The following TSC22D1 variants were observed in gnomAD, a reference collection of about 807,000 sequenced individuals.
The protein encoded by TSC22D1 is TSC22 domain family protein 1.
Under a neutral mutation model 74.2 loss-of-function variants are expected in TSC22D1, and 9 were observed. That is an observed-to-expected ratio of 0.12 (90% CI 0.07 to 0.21). TSC22D1 has a LOEUF of 0.21. Among genes scored for constraint, TSC22D1 ranks in the 10% least tolerant of loss-of-function variants. The pLI is 1.00. For missense variants in TSC22D1, 1,427 were observed against 1,304.7 expected, an observed-to-expected ratio of 1.09 and a Z score of -1.44; for synonymous variants, 586 against 492.5, an observed-to-expected ratio of 1.19 and a Z score of -2.51.
In TSC22D1 at chr13:44,510,092, G is replaced by C. The variant is rs1003999492; in HGVS notation, c.2912+63071C>G. On this transcript the variant is annotated intron_variant, in intron 1 of 2. Coordinates refer to ENST00000458659, the MANE Select transcript of TSC22D1 (RefSeq NM_183422.4). ...AGCATATATTAGGAGTCTTAAAAAT[G>C]TTTATACTCCGCTAGGCACGGTGGC... Among the ~76,000 whole-genome samples, 6 of 151,120 alleles carry C rather than the reference G, an allele frequency of 4.0e-5. No homozygotes were observed. In the East Asian group the frequency reaches 9.9e-4, roughly 25 times the overall value.
chr13:44,462,469 T>G (rs1279227423), intron 1 of TSC22D1, among the ~76,000 whole-genome samples: 1 of 152,212 alleles, frequency 6.6e-6, no homozygotes, highest in Non-Finnish European at 1.5e-5. Flanking sequence ...AGTCCTACTC[T>G]GTGATCATTT....
rs929496290 is a variant in TSC22D1 at position 44,489,558 on chromosome 13, G to A, written c.2913-53463C>T. Reference sequence around the variant, plus strand: ...AAAATAGGCAAGGCTGAGAACACTGGCTCATGCCTATAATTCCAGCACTTT... The same window carrying A: ...AAAATAGGCAAGGCTGAGAACACTGACTCATGCCTATAATTCCAGCACTTT... On this transcript the variant is annotated intron_variant, in intron 1 of 2. Coordinates refer to ENST00000458659, the MANE Select transcript of TSC22D1 (RefSeq NM_183422.4). 7.6e-4 allele frequency among the ~76,000 whole-genome samples: 115 copies of A among 151,844 alleles called. 2 individuals carry two copies. Among genetic ancestry groups the A allele is most frequent in the Middle Eastern group, 3.4e-3 (1 of 292 alleles).
intron 1 of TSC22D1, among the ~76,000 whole-genome samples, chr13:44,450,803 G>A (rs1185596004): frequency 6.6e-6 from 1 of 152,168 alleles, no homozygotes; most frequent in African/African-American, 2.4e-5. Flanking sequence ...GAAAATACTG[G>A]CATAAGAAAA....
intron 1 of TSC22D1, among the ~76,000 whole-genome samples, chr13:44,550,309 A>G (rs1342166671): frequency 1.3e-5 from 2 of 152,180 alleles, no homozygotes; most frequent in Non-Finnish European, 2.9e-5. Flanking sequence ...GCAGCCGGGC[A>G]CGGTGGCTCA....
chr13:44,573,462 A>C lies in TSC22D1; in HGVS notation c.2613T>G (p.Ser871Arg). Residue 871 changes from serine to arginine, a missense_variant, in exon 1 of 3, where the codon AGT (serine) becomes AGG (arginine). By Grantham distance (110) the Ser-to-Arg change is moderately radical. This residue lies in a region of TSC22D1 where 1,343 missense variants were observed against 1,191.5 expected (regional missense o/e 1.13). Transcript: ENST00000458659. Reference protein sequence around the residue: ...PATQNGNLVQSVSQPPLIATN... With the variant: ...PATQNGNLVQRVSQPPLIATN... ...TTGCTATCAAGGGAGGTTGACTAAC[A>C]CTTTGAACCAAATTACCATTTTGGG... is the stretch of plus-strand genomic sequence containing the variant. 2 of 1,614,242 alleles carry C rather than the reference A, an allele frequency of 1.2e-6. No individual in the cohort carries two copies. Among genetic ancestry groups the C allele is most frequent in the Non-Finnish European group, 1.7e-6 (2 of 1,180,050 alleles).
chr13:44,459,607 AG>A (rs2138945383), intron 1 of TSC22D1, among the ~76,000 whole-genome samples: 1 of 152,320 alleles, frequency 6.6e-6, no homozygotes, highest in African/African-American at 2.4e-5. Flanking sequence ...GTGACAAGAA[AG>A]AGAGAAGAGC....
At chr13:44,550,142 T>C (rs1882133330) in intron 1 of TSC22D1, among the ~76,000 whole-genome samples, 1 of 152,200 alleles carries the variant, frequency 6.6e-6, no homozygotes, top group Non-Finnish European at 1.5e-5. Flanking sequence ...TTTAAAAATA[T>C]GCTTTGATTT....
chr13:44,560,151 C>T (rs1882944439), intron 1 of TSC22D1, among the ~76,000 whole-genome samples: 1 of 151,978 alleles, frequency 6.6e-6, no homozygotes, highest in African/African-American at 2.4e-5. Flanking sequence ...GTAATCAGGC[C>T]AGGCACAGTG....
intron 1 of TSC22D1, among the ~76,000 whole-genome samples, chr13:44,476,036 C>G (rs192792664): frequency 6.6e-6 from 1 of 152,200 alleles, no homozygotes; most frequent in Admixed American, 6.5e-5. Flanking sequence ...ATATAATATA[C>G]TCTGGGGACT....
At chr13:44,564,877 A>C (rs1041170423) in intron 1 of TSC22D1, among the ~76,000 whole-genome samples, 1 of 152,194 alleles carries the variant, frequency 6.6e-6, no homozygotes, top group Non-Finnish European at 1.5e-5. Context: ...AGATGAAGAT[A>C]TATTTTAAAG....
chr13:44,480,279 A>G (rs1292619282), intron 1 of TSC22D1, among the ~76,000 whole-genome samples: 1 of 152,184 alleles, frequency 6.6e-6, no homozygotes. Flanking sequence ...TGGAAAATCA[A>G]TTTTCTTATG....
chr13:44,445,758 G>A (rs1239457546), intron 1 of TSC22D1, among the ~76,000 whole-genome samples: 1 of 152,104 alleles, frequency 6.6e-6, no homozygotes, highest in Non-Finnish European at 1.5e-5. Context: ...TGGTAAATAA[G>A]CGCCTGGAAA....
At position 44,545,903 on chromosome 13, in the gene TSC22D1, G is replaced by A. The variant is rs1881792096; in HGVS notation, c.2912+27260C>T. Among the ~76,000 whole-genome samples the A allele has an allele frequency of 4.6e-5, 7 of 152,002 alleles. No individual in the cohort carries two copies. The South Asian group carries it at 1.5e-3, about 32-fold the overall frequency. On this transcript the variant is annotated intron_variant, in intron 1 of 2. Coordinates refer to ENST00000458659, the MANE Select transcript of TSC22D1 (RefSeq NM_183422.4). ...GAAGCACAAGAATCACTTGAATCCA[G>A]CAGGCAAAGGTTGCAGTGAGCCAAG...
intron 1 of TSC22D1, among the ~76,000 whole-genome samples, chr13:44,533,232 G>A (rs1880953882): frequency 6.6e-6 from 1 of 152,002 alleles, no homozygotes; most frequent in South Asian, 2.1e-4. Context: ...AGGCTGAGGT[G>A]GATGGATCAC....
chr13:44,517,821 GTGTGTGTGTA>G (rs1451587150), intron 1 of TSC22D1, among the ~76,000 whole-genome samples: 8 of 32,646 alleles, frequency 2.5e-4, no homozygotes, highest in African/African-American at 8.6e-4. Flanking sequence ...ATGTGTGTGT[GTGTGTGTGTA>G]TATATATATA....
At chr13:44,446,304 T>C (rs1431942799) in intron 1 of TSC22D1, among the ~76,000 whole-genome samples, 1 of 151,962 alleles carries the variant, frequency 6.6e-6, no homozygotes, top group East Asian at 1.9e-4. Context: ...CATTCTAGAG[T>C]AGGTAAAACT....
At chr13:44,559,697 T>C (rs914821035) in intron 1 of TSC22D1, among the ~76,000 whole-genome samples, 1 of 151,018 alleles carries the variant, frequency 6.6e-6, no homozygotes, top group South Asian at 2.1e-4. Context: ...AAATTTCTTT[T>C]TTTTTTTTTT....
At chr13:44,495,591 A>G (rs947396601) in intron 1 of TSC22D1, among the ~76,000 whole-genome samples, 4 of 152,224 alleles carry the variant, frequency 2.6e-5, no homozygotes, top group Admixed American at 6.5e-5. Context: ...TACATAAAAC[A>G]ATAATCATAA....
At chr13:44,455,790 A>C (rs1334582476) in intron 1 of TSC22D1, among the ~76,000 whole-genome samples, 1 of 152,234 alleles carries the variant, frequency 6.6e-6, no homozygotes, top group African/African-American at 2.4e-5. Flanking sequence ...ACACTCATTT[A>C]TCTTTATTTC....
Sources: allele counts gnomAD v4.1 joint callset (sites outside exome capture counted in the v4.1 genomes callset), GRCh38; gene constraint gnomAD v4.1.1; regional missense constraint gnomAD v4.1.1; transcripts MANE v1.5; gene names NCBI Gene and HGNC (gene_info 2026-07-23, HGNC 2026-07-21).